SNTG1: variants seen among roughly 807,000 people sequenced by gnomAD.
SNTG1 encodes syntrophin gamma 1, also known as gamma-1-syntrophin.
In SNTG1, 39 loss-of-function variants were observed where a neutral mutation model predicts 74.7. That is an observed-to-expected ratio of 0.52 (90% CI 0.40 to 0.68). The LOEUF (loss-of-function observed/expected upper bound fraction) is 0.68. Among genes scored for constraint, SNTG1 ranks in the 30% least tolerant of loss-of-function variants. The probability of loss-of-function intolerance (pLI) is 0.00; values close to 1 mark genes in which losing one functional copy is unlikely to be tolerated. For synonymous variants in SNTG1, 254 were observed against 217.1 expected (o/e 1.17, Z -1.49); for missense variants, 685 against 609.5 (o/e 1.12, Z -1.30).
intron 1 of SNTG1, among the ~76,000 whole-genome samples, chr8:50,039,044 C>T (rs1818397747): frequency 6.6e-6 from 1 of 152,180 alleles, no homozygotes; most frequent in Admixed American, 6.5e-5. Context: ...CCCATTATCC[C>T]TGGTTTCAGA....
Position 50,450,679 on chromosome 8 carries a change from T to A in SNTG1, c.322-9T>A. The A allele has an allele frequency of 6.2e-7, 1 of 1,613,526 alleles. No homozygotes were observed. Among genetic ancestry groups the A allele is most frequent in the African/African-American group, 1.3e-5 (1 of 75,042 alleles). On this transcript the variant is annotated splice_polypyrimidine_tract_variant and intron_variant, in intron 7 of 18. Transcript: ENST00000642720. ...GCCATGGGAAACTATGCTTTTCTTT[T>A]CATTGCAGATAAATGGCATTAATGT...
chr8:49,936,745 AG>A (rs1353383367), intron 1 of SNTG1, among the ~76,000 whole-genome samples: 1 of 152,188 alleles, frequency 6.6e-6, no homozygotes, highest in East Asian at 1.9e-4. Context: ...TCCATCAACA[AG>A]TGAAGAGCAA....
chr8:50,463,978 G>A (rs1034345193), intron 8 of SNTG1, among the ~76,000 whole-genome samples: 2 of 152,062 alleles, frequency 1.3e-5, no homozygotes, highest in African/African-American at 2.4e-5. Context: ...GCTTCACCTC[G>A]CATTTTTATG....
chr8:50,726,626 G>A (rs2095500813), intron 17 of SNTG1, among the ~76,000 whole-genome samples: 1 of 152,188 alleles, frequency 6.6e-6, no homozygotes, highest in Non-Finnish European at 1.5e-5. Flanking sequence ...GAGGCAGGTG[G>A]ATCACAAGGT....
At chr8:50,151,318 C>G (rs951968787) in intron 1 of SNTG1, among the ~76,000 whole-genome samples, 3 of 152,128 alleles carry the variant, frequency 2.0e-5, no homozygotes, top group Admixed American at 2.0e-4. Context: ...CTTTATTAGT[C>G]TTGCTAGTGG....
intron 1 of SNTG1, among the ~76,000 whole-genome samples, chr8:49,940,818 CAT>C (rs150800219): frequency 0.013 from 2,007 of 152,210 alleles, 43 homozygotes; most frequent in African/African-American, 0.045. Flanking sequence ...AAATAGAACA[CAT>C]GTTGCAAAAA....
At chr8:50,209,102 A>G (rs571694717) in intron 2 of SNTG1, among the ~76,000 whole-genome samples, 1 of 152,234 alleles carries the variant, frequency 6.6e-6, no homozygotes, top group South Asian at 2.1e-4. Flanking sequence ...AGGGTCCCAC[A>G]CCCATGGAGC....
intron 2 of SNTG1, among the ~76,000 whole-genome samples, chr8:50,357,586 G>A (rs535148133): frequency 6.6e-6 from 1 of 152,150 alleles, no homozygotes; most frequent in Non-Finnish European, 1.5e-5. Context: ...TGTGCAGTAA[G>A]ACTGGACTTC....
intron 8 of SNTG1, among the ~76,000 whole-genome samples, chr8:50,469,221 C>T (rs1345429959): frequency 6.6e-6 from 1 of 152,052 alleles, no homozygotes; most frequent in Non-Finnish European, 1.5e-5. Flanking sequence ...AGTGTTTATT[C>T]CTCTACTTTA....
chr8:50,094,522 G>C (rs2079857156), intron 1 of SNTG1, among the ~76,000 whole-genome samples: 2 of 151,958 alleles, frequency 1.3e-5, no homozygotes, highest in African/African-American at 4.8e-5. Flanking sequence ...AATGAGCAAT[G>C]GATATGAACA....
At chr8:50,697,777 G>T (rs2095410297) in intron 15 of SNTG1, among the ~76,000 whole-genome samples, 1 of 152,090 alleles carries the variant, frequency 6.6e-6, no homozygotes, top group South Asian at 2.1e-4. Flanking sequence ...TGCATCTCTG[G>T]TGTAAAATCA....
chr8:50,318,872 A>G (rs936838923), intron 2 of SNTG1, among the ~76,000 whole-genome samples: 5 of 152,086 alleles, frequency 3.3e-5, no homozygotes, highest in Admixed American at 2.6e-4. Flanking sequence ...TCAAGGTGGT[A>G]TTACATATAT....
intron 2 of SNTG1, among the ~76,000 whole-genome samples, chr8:50,209,849 ACGG>A (rs1255645422): frequency 1.3e-5 from 2 of 152,230 alleles, no homozygotes; most frequent in Non-Finnish European, 2.9e-5. Context: ...CTCACCAGCA[ACGG>A]AACAAAGCTG....
chr8:50,454,413 C>T (rs1003098665), intron 8 of SNTG1, among the ~76,000 whole-genome samples: 2 of 152,104 alleles, frequency 1.3e-5, no homozygotes, highest in Non-Finnish European at 2.9e-5. Flanking sequence ...AGGAGAATTG[C>T]TTGAACCCGG....
chr8:50,047,823 C>A (rs548436585), intron 1 of SNTG1, among the ~76,000 whole-genome samples: 1 of 152,040 alleles, frequency 6.6e-6, no homozygotes, highest in African/African-American at 2.4e-5. Context: ...GATGAAGATG[C>A]GCCAAAGAAT....
At chr8:50,483,491 T>C (rs1208592944) in intron 8 of SNTG1, among the ~76,000 whole-genome samples, 2 of 152,178 alleles carry the variant, frequency 1.3e-5, no homozygotes, top group Non-Finnish European at 2.9e-5. Flanking sequence ...GCTTCAGTCA[T>C]CATGAAAGTG....
At chr8:49,947,037 T>C (rs192911) in intron 1 of SNTG1, among the ~76,000 whole-genome samples, 132,215 of 152,228 alleles carry the variant, frequency 0.87, 57,601 homozygotes, top group East Asian at 1. Context: ...TGGTGGCTCA[T>C]GCCTGTAATC....
chr8:50,743,429 A>G (rs2095548122), intron 17 of SNTG1, among the ~76,000 whole-genome samples: 1 of 152,006 alleles, frequency 6.6e-6, no homozygotes, highest in South Asian at 2.1e-4. Flanking sequence ...CAATTAATAC[A>G]GAAAAATACA....
At chr8:50,297,629 G>A (rs2089447735) in intron 2 of SNTG1, among the ~76,000 whole-genome samples, 2 of 152,174 alleles carry the variant, frequency 1.3e-5, no homozygotes, top group Admixed American at 6.5e-5. Flanking sequence ...ACACAGTGTG[G>A]AGACGCTGGA....
Sources: allele counts gnomAD v4.1 joint callset (sites outside exome capture counted in the v4.1 genomes callset), GRCh38; gene constraint gnomAD v4.1.1; transcripts MANE v1.5; gene names NCBI Gene and HGNC (gene_info 2026-07-23, HGNC 2026-07-21).